Variants in ALDH1B1 observed in about 807,000 individuals in gnomAD.
ALDH1B1 encodes the protein aldehyde dehydrogenase 1 family member B1, also known as aldehyde dehydrogenase family 1 member B1, mitochondrial.
Under a neutral mutation model 26.2 loss-of-function variants are expected in ALDH1B1, and 19 were observed. The ratio of observed to expected loss-of-function variants is 0.72; its 90% confidence interval spans 0.51 to 1.06. The LOEUF (loss-of-function observed/expected upper bound fraction) is 1.06. Among genes scored for constraint, ALDH1B1 ranks in the 50% least tolerant of loss-of-function variants. The pLI is 0.00. For missense variants in ALDH1B1, 671 were observed against 683.1 expected (o/e 0.98, Z 0.20); for synonymous variants, 249 against 286.0 (o/e 0.87, Z 1.31).
Position 38,397,028 on chromosome 9 carries a change from T to G in ALDH1B1, c.1280T>G (p.Phe427Cys), listed in dbSNP as rs1175616795. The G allele has an allele frequency of 6.2e-7, 1 of 1,614,042 alleles. No individual in the cohort carries two copies. The highest frequency in any genetic ancestry group is 8.5e-7 in the Non-Finnish European group (1 of 1,180,020). ...GGGCCTGTGCAGCCCCTGTTCAAGT[T>G]CAAGAAGATTGAGGAGGTGGTTGAG... ...IFGPVQPLFK[F>C]KKIEEVVERA... Residue 427 changes from phenylalanine (F) to cysteine (C), a missense_variant, in exon 2 of 2, where the codon TTC becomes TGC. Coordinates refer to ENST00000377698, the MANE Select transcript of ALDH1B1 (RefSeq NM_000692.5).
chr9:38,394,862 T>C (rs1821248753), intron 1 of ALDH1B1, among the ~76,000 whole-genome samples: 1 of 152,374 alleles, frequency 6.6e-6, no homozygotes, highest in South Asian at 2.1e-4. Flanking sequence ...TTAAGTTTTA[T>C]AACAGTAGTT....
intron 1 of ALDH1B1, chr9:38,394,549 A>C: frequency 1.0e-6 from 1 of 978,432 alleles, no homozygotes; most frequent in Non-Finnish European, 1.2e-6. Context: ...ACTTCGGCCT[A>C]CCAAAGCGTT....
At chr9:38,394,900 G>A (rs1821249476) in intron 1 of ALDH1B1, among the ~76,000 whole-genome samples, 1 of 152,198 alleles carries the variant, frequency 6.6e-6, no homozygotes, top group Middle Eastern at 3.2e-3. Context: ...ACTCTTCAGA[G>A]TTGTAGCTTT....
Position 38,392,757 on chromosome 9 carries a change from C to A in ALDH1B1, c.-60C>A. On this transcript the variant is annotated 5_prime_UTR_variant, in exon 1 of 2. Transcript: ENST00000377698. ...GCCATGTGGACAGAGCTGGGAGGGCCGGAACCAGAACCCAAGCGTGATCCT... is the reference window on the plus strand; with the variant it reads ...GCCATGTGGACAGAGCTGGGAGGGCAGGAACCAGAACCCAAGCGTGATCCT... 1 of 985,586 alleles carries A rather than the reference C, an allele frequency of 1.0e-6. No homozygotes were observed. 61.1% of individuals were successfully genotyped at this position (985,586 alleles called of 1,614,324 possible).
In ALDH1B1 at chr9:38,396,620, C is replaced by T. The variant is rs767042115; in HGVS notation, c.872C>T (p.Pro291Leu). 2.5e-6 allele frequency: 4 copies of T among 1,614,044 alleles called. No individual in the cohort carries two copies. Among genetic ancestry groups the T allele is most frequent in the Admixed American group, 1.7e-5 (1 of 60,028 alleles). The change falls in exon 2 of 2, where the codon CCC (proline) becomes CTC (leucine). Residue 291 changes from proline to leucine, a missense_variant. Transcript: ENST00000377698. ...RVTLELGGKS[P>L]SIVLADADME... Reference sequence around the variant, plus strand: ...ACCCTGGAGCTGGGTGGTAAGAGCCCCAGCATCGTGCTGGCCGATGCTGAC... The same window carrying T: ...ACCCTGGAGCTGGGTGGTAAGAGCCTCAGCATCGTGCTGGCCGATGCTGAC...
chr9:38,395,695 GCCT>G, intron 1 of ALDH1B1, 42 bp from the exon 2 acceptor site: 1 of 1,521,742 alleles, frequency 6.6e-7, no homozygotes. Context: ...ACCGCCACCT[GCCT>G]TCTCCCACCT....
At chr9:38,395,675 G>T in intron 1 of ALDH1B1, 65 bp from the exon 2 acceptor site, 3 of 1,510,098 alleles carry the variant, frequency 2.0e-6, no homozygotes, top group Non-Finnish European at 2.7e-6. Flanking sequence ...GAGCTGGTGG[G>T]CCCTTGGGTA....
Position 38,395,757 on chromosome 9 carries a change from C to T in ALDH1B1, c.9C>T (p.Arg3=). 6.3e-7 allele frequency: 1 copy of T among 1,591,826 alleles called. No homozygotes were observed. The highest frequency in any genetic ancestry group is 1.1e-5 in the South Asian group (1 of 87,974). The part of the protein sequence containing the change: ML[R]FLAPRLLSLQ... ...CTCTCCAGAGTGTCAGCATGCTGCG[C>T]TTCCTGGCACCCCGGCTGCTTAGCC... The change falls in exon 2 of 2, where the codon CGC becomes CGT. Residue 3 remains arginine (R), a synonymous_variant. Transcript: ENST00000377698.
chr9:38,397,398 C>G lies in ALDH1B1; in HGVS notation c.*96C>G. ...TGTTTTAAAGCCAAGAACACCCTTT[C>G]TTTGTTCCAAATTAACTCTTAGAAG... On this transcript the variant is annotated 3_prime_UTR_variant, in exon 2 of 2. Transcript: ENST00000377698. 7.0e-7 allele frequency: 1 copy of G among 1,423,848 alleles called. No homozygotes were observed. The highest frequency in any genetic ancestry group is 9.3e-7 in the Non-Finnish European group (1 of 1,072,726). The allele number at this position is 1,423,848 out of a possible 1,614,324, so 88.2% of individuals were successfully genotyped here.
intron 1 of ALDH1B1, among the ~76,000 whole-genome samples, chr9:38,395,487 G>A (rs1821260473): frequency 6.6e-6 from 1 of 152,144 alleles, no homozygotes; most frequent in Non-Finnish European, 1.5e-5. Flanking sequence ...TTTAAAGGGT[G>A]GTCAGGGAAG....
In ALDH1B1 at chr9:38,395,913, G is replaced by T. The variant is rs745749940; in HGVS notation, c.165G>T (p.Pro55=). 1.9e-6 allele frequency: 3 copies of T among 1,613,854 alleles called. No individual in the cohort carries two copies. The highest frequency in any genetic ancestry group is 2.5e-6 in the Non-Finnish European group (3 of 1,180,014). ...ATGCAGTCAGCAAGAAGACCTTCCC[G>T]ACGGTCAACCCTACCACCGGGGAGG... is the stretch of plus-strand genomic sequence containing the variant. ...WQDAVSKKTF[P]TVNPTTGEVI... Residue 55 remains proline, a synonymous_variant, in exon 2 of 2, where the codon CCG becomes CCT. Coordinates refer to ENST00000377698, the MANE Select transcript of ALDH1B1 (RefSeq NM_000692.5).
At chr9:38,393,823 CTT>C (rs35332667) in intron 1 of ALDH1B1, among the ~76,000 whole-genome samples, 5 of 148,672 alleles carry the variant, frequency 3.4e-5, no homozygotes, top group South Asian at 2.2e-4. Flanking sequence ...GTATCCCCCC[CTT>C]TTTTTTTTTC....
At position 38,396,694 on chromosome 9, in the gene ALDH1B1, G is replaced by T. The variant is rs1395841449; in HGVS notation, c.946G>T (p.Gly316Cys). ...QCHEALFFNM[G>C]QCCCAGSRTF... ...CCACGAAGCCCTGTTCTTCAACATG[G>T]GCCAGTGCTGCTGTGCTGGCTCCCG... The change falls in exon 2 of 2, where the codon GGC becomes TGC. Residue 316 changes from glycine (G) to cysteine (C), a missense_variant. Physicochemically the swap from Gly to Cys is radical, Grantham distance 159. Transcript: ENST00000377698. 2 of 1,614,052 alleles carry T rather than the reference G, an allele frequency of 1.2e-6. No individual in the cohort carries two copies. The highest frequency in any genetic ancestry group is 1.1e-5 in the South Asian group (1 of 91,084).
At chr9:38,394,591 ATT>A in intron 1 of ALDH1B1, 1 of 985,304 alleles carries the variant, frequency 1.0e-6, no homozygotes, top group Non-Finnish European at 1.2e-6. Flanking sequence ...CATCACATTG[ATT>A]TTTATGGGGC....
Position 38,396,300 on chromosome 9 carries a change from G to T in ALDH1B1, c.552G>T (p.Pro184=). 1.2e-5 allele frequency: 19 copies of T among 1,614,172 alleles called. No individual in the cohort carries two copies. The highest frequency in any genetic ancestry group is 1.6e-5 in the Non-Finnish European group (19 of 1,180,032). ...TTGGTGTCTGTGGCCAGATCATCCCGTGGAACTTCCCCTTGGTCATGCAGG... is the reference window on the plus strand; with the variant it reads ...TTGGTGTCTGTGGCCAGATCATCCCTTGGAACTTCCCCTTGGTCATGCAGG... The part of the protein sequence containing the change: ...EPVGVCGQII[P]WNFPLVMQGW... The change falls in exon 2 of 2, where the codon CCG becomes CCT. Residue 184 remains proline, a synonymous_variant. Coordinates refer to ENST00000377698, the MANE Select transcript of ALDH1B1 (RefSeq NM_000692.5).
At position 38,396,020 on chromosome 9, in the gene ALDH1B1, C is replaced by A; in HGVS notation, c.272C>A (p.Ser91Tyr). 1 of 1,613,722 alleles carries A rather than the reference C, an allele frequency of 6.2e-7. No homozygotes were observed. ...KAAREAFRLG[S>Y]PWRRMDASER... ...GCCCGGGAAGCCTTCCGCCTGGGGT[C>A]CCCATGGCGCCGGATGGATGCCTCT... Residue 91 changes from serine (S) to tyrosine (Y), a missense_variant, in exon 2 of 2, where the codon TCC (serine) becomes TAC (tyrosine). Transcript: ENST00000377698.
chr9:38,393,725 G>A (rs1390109166), intron 1 of ALDH1B1, among the ~76,000 whole-genome samples: 2 of 152,144 alleles, frequency 1.3e-5, no homozygotes, highest in Non-Finnish European at 2.9e-5. Context: ...GGCACCCCTG[G>A]CAGATCTGCT....
At position 38,392,797 on chromosome 9, in the gene ALDH1B1, G is replaced by C. The variant is rs998748744; in HGVS notation, c.-20G>C. 5.1e-6 allele frequency: 5 copies of C among 985,554 alleles called. No individual in the cohort carries two copies. In the African/African-American group the frequency reaches 8.7e-5, roughly 17 times the overall value. The allele number at this position is 985,554 out of a possible 1,614,324, so 61.1% of individuals were successfully genotyped here. A position where few individuals can be genotyped will look rare whatever the true frequency, so the allele number is the denominator to read the frequency against. On this transcript the variant is annotated 5_prime_UTR_variant, in exon 1 of 2. Transcript: ENST00000377698. Reference sequence around the variant, plus strand: ...AGCGTGATCCTGAACCGGAGCCCGAGCCTGCTGCAGGTAACTAACGCTGGT... The same window carrying C: ...AGCGTGATCCTGAACCGGAGCCCGACCCTGCTGCAGGTAACTAACGCTGGT...
chr9:38,393,662 C>T (rs1375694877), intron 1 of ALDH1B1, among the ~76,000 whole-genome samples: 1 of 152,154 alleles, frequency 6.6e-6, no homozygotes, highest in Non-Finnish European at 1.5e-5. Context: ...CTGTTGGTGG[C>T]AAGGGGGCTG....
Sources: gnomAD v4.1 joint callset for allele counts (sites outside exome capture counted in the v4.1 genomes callset) on GRCh38, gnomAD v4.1.1 for gene constraint, MANE v1.5 for transcripts, NCBI Gene and HGNC (gene_info 2026-07-23, HGNC 2026-07-21) for gene names.